The following EFHC1 variants were observed in gnomAD, a reference collection of about 807,000 sequenced individuals.
The protein encoded by EFHC1 is EF-hand domain containing 1, also known as EF-hand domain-containing protein 1.
A neutral mutation model predicts 69.9 loss-of-function variants in EFHC1; 53 were observed. The ratio of observed to expected loss-of-function variants is 0.76; its 90% CI spans 0.61 to 0.95. The LOEUF (loss-of-function observed/expected upper bound fraction) is 0.95, where lower values mean the gene tolerates loss of function less well. Among genes scored for constraint, EFHC1 ranks in the 40% least tolerant of loss-of-function variants. EFHC1 has a pLI of 0.00. For synonymous variants in EFHC1, 256 were observed against 278.4 expected, an observed-to-expected ratio of 0.92 and a Z score of 0.80; for missense variants, 739 against 798.7, an observed-to-expected ratio of 0.93 and a Z score of 0.90.
At chr6:52,473,758 G>T (rs1765488125) in intron 7 of EFHC1, among the ~76,000 whole-genome samples, 1 of 151,884 alleles carries the variant, frequency 6.6e-6, no homozygotes, top group Non-Finnish European at 1.5e-5. Context: ...CTTCAGCCTG[G>T]GTGGCAGAGA....
chr6:52,460,783 A>C lies in EFHC1; in HGVS notation c.917-4112A>C, dbSNP rs1009880079. 2.0e-5 allele frequency among the ~76,000 whole-genome samples: 3 copies of C among 152,332 alleles called. No homozygotes were observed. In the South Asian group the frequency reaches 6.2e-4, roughly 32 times the overall value. On this transcript the variant is annotated intron_variant, in intron 5 of 10. Coordinates refer to ENST00000371068, the MANE Select transcript of EFHC1 (RefSeq NM_018100.4). ...CTGTCTTTCAGGAAGACAGTGAAAT[A>C]CATTTCCAGGCAAACAAAACAGATT...
At position 52,479,769 on chromosome 6, in the gene EFHC1, C is replaced by G. The variant is rs763151746; in HGVS notation, c.1622C>G (p.Pro541Arg). ...IQNHVRKREA[P>R]APEAESKQTE... ...AACCATGTCCGAAAGCGAGAAGCGC[C>G]TGCTCCAGAAGCAGAAAGGTGTGTG... The change falls in exon 9 of 11, where the codon CCT becomes CGT. Residue 541 changes from proline (P) to arginine (R), a missense_variant. Pro to Arg is a moderately radical substitution (Grantham distance 103). Transcript: ENST00000371068. 7.4e-6 allele frequency: 12 copies of G among 1,614,190 alleles called. No individual in the cohort carries two copies. Among genetic ancestry groups the G allele is most frequent in the Non-Finnish European group, 1.0e-5 (12 of 1,180,030 alleles).
chr6:52,492,536 G>A lies in EFHC1; in HGVS notation c.*195G>A, dbSNP rs2114039866. 1 of 695,466 alleles carries A rather than the reference G, an allele frequency of 1.4e-6. No individual in the cohort carries two copies. The highest frequency in any genetic ancestry group is 2.8e-5 in the East Asian group (1 of 36,144). The allele number at this position is 695,466 out of a possible 1,614,324, so 43.1% of individuals were successfully genotyped here. ...GATTGGTGCCTTATTTAGGGTGATA[G>A]GGGTATAGCAATGTCTAATTTTGTG... On this transcript the variant is annotated 3_prime_UTR_variant, in exon 11 of 11. Coordinates refer to ENST00000371068, the MANE Select transcript of EFHC1 (RefSeq NM_018100.4).
At chr6:52,425,916 A>G (rs1331320010) in intron 2 of EFHC1, among the ~76,000 whole-genome samples, 1 of 152,202 alleles carries the variant, frequency 6.6e-6, no homozygotes, top group African/African-American at 2.4e-5. Context: ...GGTAATAAAG[A>G]CCAGGACATC....
In EFHC1 at chr6:52,493,940, A is replaced by G. The variant is rs1251141669; in HGVS notation, c.*1599A>G. On this transcript the variant is annotated 3_prime_UTR_variant, in exon 11 of 11. Coordinates refer to ENST00000371068, the MANE Select transcript of EFHC1 (RefSeq NM_018100.4). ...AACTTCCCTTGGTGTTTCCTTCCCT[A>G]ACGAGCTCAGCCACTTGTAACCAGC... 6.6e-6 allele frequency: 3 copies of G among 453,980 alleles called. No individual in the cohort carries two copies. Among genetic ancestry groups the G allele is most frequent in the East Asian group, 1.4e-4 (2 of 14,400 alleles). 28.1% of individuals were successfully genotyped at this position (453,980 alleles called of 1,614,324 possible). A position where few individuals can be genotyped will look rare whatever the true frequency, so the allele number is the denominator to read the frequency against.
chr6:52,493,222 A>T lies in EFHC1; in HGVS notation c.*881A>T, dbSNP rs6926242. On this transcript the variant is annotated 3_prime_UTR_variant, in exon 11 of 11. Coordinates refer to ENST00000371068, the MANE Select transcript of EFHC1 (RefSeq NM_018100.4). Reference sequence around the variant, plus strand: ...CCTAAACCATCAGCTCTCCTAAGTCATAGGCCTTTGGATTCAGACTGGAAT... The same window carrying T: ...CCTAAACCATCAGCTCTCCTAAGTCTTAGGCCTTTGGATTCAGACTGGAAT... 408,203 of 453,130 alleles carry T rather than the reference A, an allele frequency of 0.9. 184,244 individuals carry two copies. The highest frequency in any genetic ancestry group is 0.96 in the East Asian group (13,792 of 14,352). 28.1% of individuals were successfully genotyped at this position (453,130 alleles called of 1,614,324 possible). A position where few individuals can be genotyped will look rare whatever the true frequency, so the allele number is the denominator to read the frequency against.
At chr6:52,483,045 A>T (rs1009527250) in intron 9 of EFHC1, 3 of 392,498 alleles carry the variant, frequency 7.6e-6, no homozygotes, top group African/African-American at 6.2e-5. Context: ...TGAACTATAA[A>T]ACAAATATAC....
chr6:52,420,597 T>G, intron 1 of EFHC1, 124 bp downstream of exon 1: 1 of 1,161,506 alleles, frequency 8.6e-7, no homozygotes, highest in Non-Finnish European at 1.3e-6. Context: ...ACGTCTTCTG[T>G]CCTGACCCTG....
At chr6:52,487,100 C>T (rs1158832790) in intron 9 of EFHC1, 1 of 151,864 alleles carries the variant, frequency 6.6e-6, no homozygotes, top group African/African-American at 2.4e-5. Context: ...CAACTCTACC[C>T]TTACAGCGTG....
intron 3 of EFHC1, among the ~76,000 whole-genome samples, chr6:52,440,508 A>G (rs948415410): frequency 7.2e-5 from 11 of 152,018 alleles, no homozygotes; most frequent in African/African-American, 2.4e-4. Flanking sequence ...GTGTATATGT[A>G]TCACATTTTC....
rs1362503683 is a variant in EFHC1 at position 52,478,895 on chromosome 6, T to C, written c.1279-142T>C. 3.9e-6 allele frequency: 3 copies of C among 768,294 alleles called. No individual in the cohort carries two copies. In the African/African-American group the frequency reaches 5.2e-5, roughly 13 times the overall value. 47.6% of individuals were successfully genotyped at this position (768,294 alleles called of 1,614,324 possible). The stretch of plus-strand genomic sequence containing the variant: ...ATGTTCTTCCCAGAGACACCAGAGT[T>C]TCCCCATAGATGGTTTGTTTATATT... On this transcript the variant is annotated intron_variant, in intron 7 of 10. Transcript: ENST00000371068.
chr6:52,479,499 A>T, intron 8 of EFHC1, 141 bp from the exon 9 acceptor site: 2 of 1,290,958 alleles, frequency 1.5e-6, no homozygotes, highest in Non-Finnish European at 1.1e-6. Flanking sequence ...ACTGCATATT[A>T]GTATGTCGTT....
chr6:52,462,714 T>C (rs1284973496), intron 5 of EFHC1, among the ~76,000 whole-genome samples: 1 of 151,860 alleles, frequency 6.6e-6, no homozygotes, highest in Non-Finnish European at 1.5e-5. Context: ...GGTGTGAAAC[T>C]CCATTTCTAC....
Position 52,493,092 on chromosome 6 carries a change from C to T in EFHC1, c.*751C>T, listed in dbSNP as rs759716034. The stretch of plus-strand genomic sequence containing the variant: ...GACCTTTCCCCAGGTAAGAGAATTC[C>T]TCCTGCCTGACTGGCTTCAAATTGG... On this transcript the variant is annotated 3_prime_UTR_variant, in exon 11 of 11. Transcript: ENST00000371068. The T allele has an allele frequency of 6.6e-6, 3 of 453,986 alleles. No homozygotes were observed. Among genetic ancestry groups the T allele is most frequent in the South Asian group, 4.7e-5 (3 of 64,466 alleles). The allele number at this position is 453,986 out of a possible 1,614,324, so 28.1% of individuals were successfully genotyped here.
chr6:52,454,168 A>G lies in EFHC1; in HGVS notation c.797A>G (p.Tyr266Cys), dbSNP rs536323609. The change falls in exon 5 of 11, where the codon TAC becomes TGC. Residue 266 changes from tyrosine to cysteine, a missense_variant. Transcript: ENST00000371068. Reference sequence around the variant, plus strand: ...GAATGTCGGACCTACATCATTCATTACTATCTTATGGATGATACGGTGGAA... The same window carrying G: ...GAATGTCGGACCTACATCATTCATTGCTATCTTATGGATGATACGGTGGAA... ...YGECRTYIIH[Y>C]YLMDDTVEIR... 4 of 1,614,090 alleles carry G rather than the reference A, an allele frequency of 2.5e-6. No individual in the cohort carries two copies. The highest frequency in any genetic ancestry group is 2.7e-5 in the African/African-American group (2 of 75,010).
intron 9 of EFHC1, chr6:52,487,063 G>C (rs1208818115): frequency 6.6e-6 from 1 of 151,700 alleles, no homozygotes; most frequent in Non-Finnish European, 1.5e-5. Flanking sequence ...AGGCTTTGTG[G>C]GTCATACCTT....
At chr6:52,433,428 G>A (rs1234056209) in intron 2 of EFHC1, among the ~76,000 whole-genome samples, 1 of 152,186 alleles carries the variant, frequency 6.6e-6, no homozygotes, top group African/African-American at 2.4e-5. Flanking sequence ...GAGCCGAGCT[G>A]TAGTGATTGT....
At position 52,492,324 on chromosome 6, in the gene EFHC1, C is replaced by T. The variant is rs773723965; in HGVS notation, c.1906C>T (p.Arg636Cys). ...CAAAATTAACTACTATAACTTTGTT[C>T]GTGCTTTCTCAAACTGACCTGCTGA... ...EGKINYYNFV[R>C]AFSN Residue 636 changes from arginine to cysteine, a missense_variant, in exon 11 of 11, where the codon CGT becomes TGT. By Grantham distance (180) the Arg-to-Cys change is radical. Coordinates refer to ENST00000371068, the MANE Select transcript of EFHC1 (RefSeq NM_018100.4). 1.2e-5 allele frequency: 19 copies of T among 1,613,806 alleles called. No individual in the cohort carries two copies. The East Asian group carries it at 2.7e-4, about 23-fold the overall frequency.
intron 3 of EFHC1, among the ~76,000 whole-genome samples, chr6:52,451,946 A>G (rs1239873624): frequency 6.6e-6 from 1 of 152,158 alleles, no homozygotes; most frequent in Non-Finnish European, 1.5e-5. Flanking sequence ...TTTCAGCCTA[A>G]CTTGGCCATT....
Sources: allele counts gnomAD v4.1 joint callset (sites outside exome capture counted in the v4.1 genomes callset), GRCh38; gene constraint gnomAD v4.1.1; transcripts MANE v1.5; gene names NCBI Gene and HGNC (gene_info 2026-07-23, HGNC 2026-07-21).